The following P2RY14 variants were observed in gnomAD, a reference collection of about 807,000 sequenced individuals.
P2RY14 encodes the protein P2Y purinoceptor 14.
Under a neutral mutation model 0.9 loss-of-function variants are expected in P2RY14, and 2 were observed. The ratio of observed to expected loss-of-function variants is 2.16; its 90% confidence interval spans 0.88 to 6.79. The LOEUF is 6.79. Ranked by LOEUF, P2RY14 falls within the 30% of genes most tolerant of loss-of-function variation. The probability of loss-of-function intolerance (pLI) is 0.05; values close to 1 mark genes in which losing one functional copy is unlikely to be tolerated. For missense variants in P2RY14, 378 were observed against 400.1 expected, an observed-to-expected ratio of 0.94 and a Z score of 0.47; for synonymous variants, 158 against 147.2, an observed-to-expected ratio of 1.07 and a Z score of -0.53.
chr3:151,225,652 T>A (rs2149292710), intron 1 of P2RY14, among the ~76,000 whole-genome samples: 1 of 152,322 alleles, frequency 6.6e-6, no homozygotes, highest in African/African-American at 2.4e-5. Context: ...CTCATCCGTG[T>A]TCTGCATTCC....
chr3:151,214,309 T>C lies in P2RY14; in HGVS notation c.8A>G (p.Asn3Ser), dbSNP rs1345270959. 6.2e-7 allele frequency: 1 copy of C among 1,612,354 alleles called. No homozygotes were observed. The highest frequency in any genetic ancestry group is 2.2e-5 in the East Asian group (1 of 44,852). MI[N>S]STSTQPPDES... ...ATCTGGAGGCTGTGTGGAGGTTGAA[T>C]TGATCATCTTGTAACTTCTGAAGGC... Residue 3 changes from asparagine (N) to serine (S), a missense_variant, in exon 3 of 3, where the codon AAT becomes AGT. Physicochemically the swap from Asn to Ser is conservative, Grantham distance 46. Coordinates refer to ENST00000309170, the MANE Select transcript of P2RY14 (RefSeq NM_014879.4).
intron 2 of P2RY14, among the ~76,000 whole-genome samples, chr3:151,216,204 A>G (rs1382420999): frequency 1.3e-5 from 2 of 152,238 alleles, no homozygotes; most frequent in Non-Finnish European, 2.9e-5. Flanking sequence ...TATTTGTGAA[A>G]TAAATGAATA....
rs1403725845 is a variant in P2RY14 at position 151,276,049 on chromosome 3, T to C, written c.-133+2238A>G. Among the ~76,000 whole-genome samples, 5 of 152,188 alleles carry C rather than the reference T, an allele frequency of 3.3e-5. No individual in the cohort carries two copies. The South Asian group carries it at 1.0e-3, about 32-fold the overall frequency. On this transcript the variant is annotated intron_variant, in intron 1 of 2. Coordinates refer to ENST00000309170, the MANE Select transcript of P2RY14 (RefSeq NM_014879.4). ...TGATCATATTGATGATCATAATTAA[T>C]TTATTATACAATCAAGGACACTTTT...
At chr3:151,273,196 T>C (rs1355397124) in intron 1 of P2RY14, among the ~76,000 whole-genome samples, 10 of 151,306 alleles carry the variant, frequency 6.6e-5, no homozygotes, top group Non-Finnish European at 1.2e-4. Flanking sequence ...AAGATGATGC[T>C]GGCAATGACA....
At chr3:151,247,602 G>A (rs1355686929) in intron 1 of P2RY14, among the ~76,000 whole-genome samples, 1 of 114,960 alleles carries the variant, frequency 8.7e-6, no homozygotes, top group Admixed American at 9.2e-5. Flanking sequence ...TCACACTCCG[G>A]GGACTGTTGT....
At chr3:151,262,138 A>G (rs968029991) in intron 1 of P2RY14, among the ~76,000 whole-genome samples, 7 of 152,242 alleles carry the variant, frequency 4.6e-5, no homozygotes, top group African/African-American at 1.7e-4. Context: ...TGAAAGTTAG[A>G]TAGCTAGAAA....
rs565185489 is a variant in P2RY14, at chr3:151,244,530, C to T, written c.-132-24888G>A. 3.5e-3 allele frequency among the ~76,000 whole-genome samples: 518 copies of T among 149,562 alleles called. 3 individuals carry two copies. Among genetic ancestry groups the T allele is most frequent in the African/African-American group, 0.012 (498 of 40,728 alleles). ...TCCTGAATGACTACTGGGTACATAACGAAATGAAGGCAGAAATAAAGATGT... is the reference window on the plus strand; with the variant it reads ...TCCTGAATGACTACTGGGTACATAATGAAATGAAGGCAGAAATAAAGATGT... On this transcript the variant is annotated intron_variant, in intron 1 of 2. Transcript: ENST00000309170.
At chr3:151,228,778 C>A (rs1389632928) in intron 1 of P2RY14, among the ~76,000 whole-genome samples, 1 of 152,176 alleles carries the variant, frequency 6.6e-6, no homozygotes, top group Non-Finnish European at 1.5e-5. Context: ...GTTTTGGGAA[C>A]CAATTCTTTT....
At chr3:151,248,355 G>A (rs1046224022) in intron 1 of P2RY14, among the ~76,000 whole-genome samples, 5 of 152,066 alleles carry the variant, frequency 3.3e-5, no homozygotes, top group African/African-American at 1.2e-4. Context: ...AGACATCACA[G>A]CTGCCTTGCA....
At chr3:151,249,817 G>T (rs914383495) in intron 1 of P2RY14, among the ~76,000 whole-genome samples, 2 of 152,074 alleles carry the variant, frequency 1.3e-5, no homozygotes, top group African/African-American at 4.8e-5. Flanking sequence ...CTGAAATTAT[G>T]CTCTGGATTA....
Position 151,214,151 on chromosome 3 carries a change from A to C in P2RY14, c.166T>G (p.Phe56Val), listed in dbSNP as rs749797306. ...IFFYVPSSKS[F>V]IIYLKNIVIA... ...ACAATGTTCTTGAGATAGATGATGA[A>C]ACTCTTAGAGCTGGGCACGTAAAAG... The change falls in exon 3 of 3, where the codon TTC (phenylalanine) becomes GTC (valine). Residue 56 changes from phenylalanine (F) to valine (V), a missense_variant. Transcript: ENST00000309170. 4 of 1,614,152 alleles carry C rather than the reference A, an allele frequency of 2.5e-6. No individual in the cohort carries two copies. Among genetic ancestry groups the C allele is most frequent in the Non-Finnish European group, 2.5e-6 (3 of 1,180,006 alleles).
intron 1 of P2RY14, among the ~76,000 whole-genome samples, chr3:151,237,350 C>CTTTTTTT (rs57239604): frequency 5.3e-5 from 5 of 94,602 alleles, no homozygotes; most frequent in East Asian, 3.4e-4. Context: ...TTTTTTTTTT[C>CTTTTTTT]TTTTTTTTTT....
chr3:151,275,149 A>G (rs551762375), intron 1 of P2RY14, among the ~76,000 whole-genome samples: 5 of 152,268 alleles, frequency 3.3e-5, no homozygotes, highest in African/African-American at 1.2e-4. Flanking sequence ...TCTAGAGGCT[A>G]TAAGTGATGT....
At chr3:151,243,896 G>T (rs1351025189) in intron 1 of P2RY14, among the ~76,000 whole-genome samples, 1 of 148,994 alleles carries the variant, frequency 6.7e-6, no homozygotes. Flanking sequence ...GACACACATA[G>T]GCTCAAAATA....
intron 2 of P2RY14, among the ~76,000 whole-genome samples, chr3:151,217,552 A>T (rs1239169641): frequency 6.6e-6 from 1 of 152,138 alleles, no homozygotes; most frequent in Non-Finnish European, 1.5e-5. Flanking sequence ...TTCCCCAAAC[A>T]CTGCTATTTT....
chr3:151,222,160 A>G lies in P2RY14; in HGVS notation c.-132-2518T>C, dbSNP rs1729492344. Among the ~76,000 whole-genome samples, 4 of 152,142 alleles carry G rather than the reference A, an allele frequency of 2.6e-5. No homozygotes were observed. In the South Asian group the frequency reaches 8.3e-4, roughly 32 times the overall value. On this transcript the variant is annotated intron_variant, in intron 1 of 2. Coordinates refer to ENST00000309170, the MANE Select transcript of P2RY14 (RefSeq NM_014879.4). ...CCTCCCATTTGGAATGACTGCATTTACCCAATGCCTGTACTGCATTGTATC... is the reference window on the plus strand; with the variant it reads ...CCTCCCATTTGGAATGACTGCATTTGCCCAATGCCTGTACTGCATTGTATC...
At position 151,269,397 on chromosome 3, in the gene P2RY14, T is replaced by TCACACACACACACACACACACACACA. The variant is rs71801434; in HGVS notation, c.-133+8864_-133+8889dup. On this transcript the variant is annotated intron_variant, in intron 1 of 2. Transcript: ENST00000309170. The stretch of plus-strand genomic sequence containing the variant: ...CCTGGGCAACAAGAGTGAAACTCCA[T>TCACACACACACACACACACACACACA]CACACACACACACACACACACACAC... 4.8e-5 allele frequency: 7 copies of TCACACACACACACACACACACACACA among 144,616 alleles called. No individual in the cohort carries two copies. The East Asian group carries it at 8.2e-4, about 17-fold the overall frequency. 9.0% of individuals were successfully genotyped at this position (144,616 alleles called of 1,614,324 possible). A position where few individuals can be genotyped will look rare whatever the true frequency, so the allele number is the denominator to read the frequency against.
rs563833979 is a variant in P2RY14 at position 151,236,123 on chromosome 3, C to T, written c.-132-16481G>A. 7.2e-5 allele frequency among the ~76,000 whole-genome samples: 11 copies of T among 152,190 alleles called. No homozygotes were observed. In the East Asian group the frequency reaches 9.7e-4, roughly 13 times the overall value. ...GACCAGAATTTATTTCTCTTGTTAA[C>T]GGCAAAATTAGGAGGTCCCAGAATA... is the stretch of plus-strand genomic sequence containing the variant. On this transcript the variant is annotated intron_variant, in intron 1 of 2. Coordinates refer to ENST00000309170, the MANE Select transcript of P2RY14 (RefSeq NM_014879.4).
rs1330587726 is a variant in P2RY14 at position 151,213,937 on chromosome 3, A to G, written c.380T>C (p.Leu127Pro). The G allele has an allele frequency of 1.9e-6, 3 of 1,614,198 alleles. No homozygotes were observed. Among genetic ancestry groups the G allele is most frequent in the East Asian group, 2.2e-5 (1 of 44,876 alleles). The change falls in exon 3 of 3, where the codon CTT (leucine) becomes CCT (proline). Residue 127 changes from leucine (L) to proline (P), a missense_variant. Coordinates refer to ENST00000309170, the MANE Select transcript of P2RY14 (RefSeq NM_014879.4). The part of the protein sequence containing the change: ...FDRYYKIVKP[L>P]WTSFIQSVSY... ...CACTGACTGGATGAAAGAAGTCCAA[A>G]GAGGCTTTACAATTTTATAATATCT...
Sources: allele counts gnomAD v4.1 joint callset (sites outside exome capture counted in the v4.1 genomes callset), GRCh38; gene constraint gnomAD v4.1.1; transcripts MANE v1.5; gene names NCBI Gene and HGNC (gene_info 2026-07-23, HGNC 2026-07-21).